ZYG11B: variants seen among roughly 807,000 people sequenced by gnomAD.
The protein encoded by ZYG11B is protein zyg-11 homolog B.
A neutral mutation model predicts 82.4 loss-of-function variants in ZYG11B; 36 were observed. The ratio of observed to expected loss-of-function variants is 0.44; its 90% CI spans 0.33 to 0.58. The LOEUF (loss-of-function observed/expected upper bound fraction) is 0.58, where lower values mean the gene tolerates loss of function less well. Ranked by LOEUF, ZYG11B falls within the 20% of genes least tolerant of loss-of-function variation. The pLI is 0.02. For synonymous variants in ZYG11B, 303 were observed against 312.8 expected (o/e 0.97, Z 0.33); for missense variants, 552 against 895.6 (o/e 0.62, Z 4.90).
rs1571806839 is a variant in ZYG11B at position 52,821,736 on chromosome 1, A to G, written c.*107A>G. On this transcript the variant is annotated 3_prime_UTR_variant, in exon 14 of 14. Coordinates refer to ENST00000294353, the MANE Select transcript of ZYG11B (RefSeq NM_024646.3). ...TTTGGGGGTTTCTATGACAAGAGTC[A>G]TAAAATCAGTTTGGGATTGATAATG... is the stretch of plus-strand genomic sequence containing the variant. 1 of 1,084,944 alleles carries G rather than the reference A, an allele frequency of 9.2e-7. No homozygotes were observed. Among genetic ancestry groups the G allele is most frequent in the Non-Finnish European group, 1.3e-6 (1 of 762,058 alleles). The allele number at this position is 1,084,944 out of a possible 1,614,324, so 67.2% of individuals were successfully genotyped here. A position where few individuals can be genotyped will look rare whatever the true frequency, so the allele number is the denominator to read the frequency against.
At chr1:52,811,758 C>T (rs937634127) in intron 10 of ZYG11B, among the ~76,000 whole-genome samples, 3 of 151,780 alleles carry the variant, frequency 2.0e-5, no homozygotes, top group Non-Finnish European at 4.4e-5. Flanking sequence ...TGGCCAGGCG[C>T]GGTGGCGCAT....
intron 8 of ZYG11B, among the ~76,000 whole-genome samples, chr1:52,797,159 T>C (rs1211495815): frequency 2.8e-5 from 2 of 71,480 alleles, no homozygotes; most frequent in Admixed American, 2.6e-4. Context: ...TATATATTTA[T>C]ATATTATATA....
chr1:52,771,331 A>C lies in ZYG11B; in HGVS notation c.508A>C (p.Thr170Pro). 1 of 1,614,216 alleles carries C rather than the reference A, an allele frequency of 6.2e-7. No individual in the cohort carries two copies. Among genetic ancestry groups the C allele is most frequent in the Non-Finnish European group, 8.5e-7 (1 of 1,180,038 alleles). Residue 170 changes from threonine (T) to proline (P), a missense_variant, in exon 3 of 14, where the codon ACG becomes CCG. This residue lies in a region of ZYG11B where 359 missense variants were observed against 555.8 expected (regional missense o/e 0.65). Transcript: ENST00000294353. The surrounding 1 kb of genome is among the most constrained non-coding windows in gnomAD (Gnocchi z 5.4). ...RLSGLRALSI[T>P]NVLFYNEDLA... Reference sequence around the variant, plus strand: ...TTCTGGCCTTCGAGCTTTAAGCATCACGAATGTTCTCTTTTACAATGAAGA... The same window carrying C: ...TTCTGGCCTTCGAGCTTTAAGCATCCCGAATGTTCTCTTTTACAATGAAGA...
chr1:52,773,276 C>T (rs964449928), intron 3 of ZYG11B, among the ~76,000 whole-genome samples: 3 of 151,672 alleles, frequency 2.0e-5, no homozygotes, highest in African/African-American at 7.3e-5. Context: ...GAGTTCAAGA[C>T]CAGCTTGGCC....
rs1645333164 is a variant in ZYG11B, at chr1:52,827,304, T to C, written c.*5675T>C. 6.6e-6 allele frequency: 1 copy of C among 151,836 alleles called. No homozygotes were observed. The highest frequency in any genetic ancestry group is 1.5e-5 in the Non-Finnish European group (1 of 67,922). The allele number at this position is 151,836 out of a possible 1,614,324, so 9.4% of individuals were successfully genotyped here. The stretch of plus-strand genomic sequence containing the variant: ...GTGTGTACAGATTTTTGTTTTGGGA[T>C]TTTTTTTGCCTAAATAAATGTTATA... On this transcript the variant is annotated 3_prime_UTR_variant, in exon 14 of 14. Coordinates refer to ENST00000294353, the MANE Select transcript of ZYG11B (RefSeq NM_024646.3).
In ZYG11B at chr1:52,803,097, T is replaced by TATATATATATATATATAC. The variant is rs1212524091; in HGVS notation, c.1695+959_1695+960insTATATATATATATATACA. Among the ~76,000 whole-genome samples the TATATATATATATATATAC allele has an allele frequency of 2.5e-4, 11 of 44,850 alleles. 2 individuals are homozygous for TATATATATATATATATAC. In the South Asian group the frequency reaches 4.7e-3, roughly 19 times the overall value. The allele number at this position is 44,850 out of a possible 152,430, so 29.4% of individuals were successfully genotyped here. On this transcript the variant is annotated intron_variant, in intron 10 of 13. Transcript: ENST00000294353. ...ATATATATATATACACATATATATA[T>TATATATATATATATATAC]ACATATATATATATATATATACACA...
At chr1:52,769,864 T>C (rs1644731448) in intron 2 of ZYG11B, among the ~76,000 whole-genome samples, 1 of 152,144 alleles carries the variant, frequency 6.6e-6, no homozygotes, top group South Asian at 2.1e-4. Context: ...ATTCTTAGAC[T>C]ACCTGTTTTT....
rs1169987823 is a variant in ZYG11B, at chr1:52,822,340, C to G, written c.*711C>G. Reference sequence around the variant, plus strand: ...TATTTATACCTAGAAGTGTGGACTGCTGGTTCCTGCACAGACTGCCGGTTA... The same window carrying G: ...TATTTATACCTAGAAGTGTGGACTGGTGGTTCCTGCACAGACTGCCGGTTA... On this transcript the variant is annotated 3_prime_UTR_variant, in exon 14 of 14. Transcript: ENST00000294353. 3 of 152,220 alleles carry G rather than the reference C, an allele frequency of 2.0e-5. No homozygotes were observed. Among genetic ancestry groups the G allele is most frequent in the Admixed American group, 2.0e-4 (3 of 15,276 alleles). The allele number at this position is 152,220 out of a possible 1,614,324, so 9.4% of individuals were successfully genotyped here.
chr1:52,726,858 C>T (rs1461515178), intron 1 of ZYG11B, among the ~76,000 whole-genome samples, 175 bp downstream of exon 1: 1 of 152,074 alleles, frequency 6.6e-6, no homozygotes, highest in Non-Finnish European at 1.5e-5. Flanking sequence ...TCCCCATTCA[C>T]CTGCTTCGGT....
At chr1:52,762,738 T>C (rs867793196) in intron 2 of ZYG11B, among the ~76,000 whole-genome samples, 5 of 151,928 alleles carry the variant, frequency 3.3e-5, no homozygotes, top group South Asian at 2.1e-4. Context: ...CCCGCCACCA[T>C]GTCCAGCTAA....
At chr1:52,791,951 C>G (rs1236609649) in intron 6 of ZYG11B, among the ~76,000 whole-genome samples, 2 of 152,284 alleles carry the variant, frequency 1.3e-5, no homozygotes, top group East Asian at 1.9e-4. Context: ...TAGAAATACT[C>G]TAGGCCTATG....
At chr1:52,813,068 A>AT (rs1645197168) in intron 10 of ZYG11B, among the ~76,000 whole-genome samples, 1 of 152,292 alleles carries the variant, frequency 6.6e-6, no homozygotes, top group East Asian at 1.9e-4. Context: ...CTACTATCAA[A>AT]TACTTTGCTT....
chr1:52,738,272 G>A (rs1644394776), intron 1 of ZYG11B, among the ~76,000 whole-genome samples: 1 of 152,074 alleles, frequency 6.6e-6, no homozygotes, highest in Admixed American at 6.6e-5. Context: ...GTACAGTGGT[G>A]GCATCTTGGC....
At chr1:52,819,457 G>T (rs1398082559) in intron 13 of ZYG11B, among the ~76,000 whole-genome samples, 1 of 152,102 alleles carries the variant, frequency 6.6e-6, no homozygotes, top group African/African-American at 2.4e-5. Context: ...ACCTTTCACA[G>T]CTCAGTAGGA....
At chr1:52,762,161 C>T (rs1644637550) in intron 2 of ZYG11B, among the ~76,000 whole-genome samples, 1 of 148,844 alleles carries the variant, frequency 6.7e-6, no homozygotes, top group African/African-American at 2.5e-5. Context: ...TGTGCAGAAG[C>T]TTTTAGTTTG....
chr1:52,809,767 G>A (rs796911762), intron 10 of ZYG11B, among the ~76,000 whole-genome samples: 15 of 152,070 alleles, frequency 9.9e-5, no homozygotes, highest in African/African-American at 3.4e-4. Context: ...ATGATAAGTG[G>A]TGTTGAGTAT....
At chr1:52,777,456 G>GT (rs554626326) in intron 3 of ZYG11B, among the ~76,000 whole-genome samples, 122 of 151,486 alleles carry the variant, frequency 8.1e-4, no homozygotes, top group Admixed American at 3.4e-3. Flanking sequence ...AGGCTTTTTT[G>GT]TTTTTTTTGA....
At chr1:52,811,937 G>A (rs1558143398) in intron 10 of ZYG11B, among the ~76,000 whole-genome samples, 1 of 151,924 alleles carries the variant, frequency 6.6e-6, no homozygotes, top group Non-Finnish European at 1.5e-5. Flanking sequence ...AGGCTGAGGC[G>A]GGAGAATGGT....
chr1:52,744,284 T>C (rs1270184543), intron 1 of ZYG11B, among the ~76,000 whole-genome samples: 1 of 152,212 alleles, frequency 6.6e-6, no homozygotes, highest in African/African-American at 2.4e-5. Flanking sequence ...TAACATTTTG[T>C]TACAGTTGCC....
Sources: gnomAD v4.1 joint callset for allele counts (sites outside exome capture counted in the v4.1 genomes callset) on GRCh38, gnomAD v4.1.1 for gene constraint, gnomAD v4.1.1 regional missense constraint, Gnocchi (gnomAD v3.1) non-coding constraint, MANE v1.5 for transcripts, NCBI Gene and HGNC (gene_info 2026-07-23, HGNC 2026-07-21) for gene names.